ANKRD26: variants seen among roughly 807,000 people sequenced by gnomAD.
ANKRD26 encodes the protein ankyrin repeat domain-containing protein 26.
Under a neutral mutation model 208.7 loss-of-function variants are expected in ANKRD26, and 141 were observed. The observed-to-expected ratio is 0.68, with a 90% confidence interval of 0.59 to 0.78. The LOEUF (loss-of-function observed/expected upper bound fraction) is 0.78, where lower values mean the gene tolerates loss of function less well. Ranked by LOEUF, ANKRD26 falls within the 30% of genes least tolerant of loss-of-function variation. The pLI is 0.00. For synonymous variants in ANKRD26, 636 were observed against 660.4 expected, an observed-to-expected ratio of 0.96 and a Z score of 0.57; for missense variants, 1,889 against 1,938.7, an observed-to-expected ratio of 0.97 and a Z score of 0.48.
downstream of ANKRD26, among the ~76,000 whole-genome samples, chr10:26,972,229 C>T (rs1354723896): frequency 7.1e-6 from 1 of 141,494 alleles, no homozygotes; most frequent in African/African-American, 2.7e-5. Context: ...AGCGAGACTC[C>T]GTCTCAAAAA....
chr10:26,982,831 A>T (rs1481491083), intron 3 of ANKRD26, among the ~76,000 whole-genome samples: 2 of 152,168 alleles, frequency 1.3e-5, no homozygotes, highest in Non-Finnish European at 2.9e-5. Flanking sequence ...AAAAAACAGG[A>T]CAGAACACAA....
intron 33 of ANKRD26, 118 bp from the exon 34 acceptor site, chr10:27,005,841 T>C (rs2052856084): frequency 7.9e-7 from 1 of 1,258,622 alleles, no homozygotes; most frequent in South Asian, 1.7e-5. Context: ...AAAATATGTA[T>C]GCACAACTAT....
rs371498820 is a variant in ANKRD26, at chr10:27,017,641, T to C, written c.4367A>G (p.Gln1456Arg). ...ATGACTTCTCAGGTTGATCACTTCT[T>C]GTTCCAACTTCTTTTTATTCTTCTG... is the stretch of plus-strand genomic sequence containing the variant. ...KLQKNKKKLE[Q>R]EVINLRSHIE... The change falls in exon 30 of 34, where the codon CAA becomes CGA. Residue 1456 changes from glutamine (Q) to arginine (R), a missense_variant. This residue lies in a region of ANKRD26 where 613 missense variants were observed against 648.2 expected (regional missense o/e 0.95). Coordinates refer to ENST00000376087, the MANE Select transcript of ANKRD26 (RefSeq NM_014915.3). The C allele has an allele frequency of 2.5e-6, 4 of 1,613,574 alleles. No individual in the cohort carries two copies. Among genetic ancestry groups the C allele is most frequent in the African/African-American group, 2.7e-5 (2 of 74,932 alleles).
intron 29 of ANKRD26, among the ~76,000 whole-genome samples, chr10:27,019,338 C>G (rs2053411570): frequency 6.6e-6 from 1 of 151,892 alleles, no homozygotes; most frequent in African/African-American, 2.4e-5. Flanking sequence ...AACTGAAAAG[C>G]TTCTGCACAG....
chr10:27,029,610 C>T (rs1398230582), intron 25 of ANKRD26, among the ~76,000 whole-genome samples: 1 of 152,178 alleles, frequency 6.6e-6, no homozygotes, highest in Non-Finnish European at 1.5e-5. Flanking sequence ...AGAACTAAAA[C>T]ATATTACTCT....
At chr10:26,971,588 A>T (rs1462829191), downstream of ANKRD26, among the ~76,000 whole-genome samples, 2 of 151,172 alleles carry the variant, frequency 1.3e-5, no homozygotes, top group African/African-American at 4.9e-5. Context: ...AGGCAGGAGA[A>T]TCGCTTGAAC....
Position 27,028,944 on chromosome 10 carries a change from G to T in ANKRD26, c.3880C>A (p.Leu1294Ile). ...AEKMQDHKQK[L>I]EKDNAKLKVT... ...TTTAACTTGGCATTATCTTTTTCAA[G>T]CCTGAAATGTATATTTTAAAATAAT... Residue 1294 changes from leucine (L) to isoleucine (I), a missense_variant and splice_region_variant, in exon 27 of 34, where the codon CTT becomes ATT. Leu to Ile is a conservative substitution (Grantham distance 5, BLOSUM62 2). Around this residue, in one of 3 missense-constraint regions of ANKRD26, gnomAD observed 613 missense variants for 648.2 expected, o/e 0.95. Coordinates refer to ENST00000376087, the MANE Select transcript of ANKRD26 (RefSeq NM_014915.3). 1 of 1,602,508 alleles carries T rather than the reference G, an allele frequency of 6.2e-7. No individual in the cohort carries two copies. Among genetic ancestry groups the T allele is most frequent in the Non-Finnish European group, 8.5e-7 (1 of 1,171,300 alleles).
chr10:26,952,763 T>C, the ANKRD26 span, among the ~76,000 whole-genome samples: 3 of 152,196 alleles, frequency 2.0e-5, no homozygotes, highest in African/African-American at 2.4e-5. Context: ...AACCTACCAA[T>C]TGGACATACG....
At chr10:26,962,194 C>T in the ANKRD26 span, among the ~76,000 whole-genome samples, 1 of 152,220 alleles carries the variant, frequency 6.6e-6, no homozygotes, top group African/African-American at 2.4e-5. Flanking sequence ...CTTTGGGAGG[C>T]TGAGACGGGA....
At chr10:27,049,345 A>C (rs2054568979) in intron 16 of ANKRD26, among the ~76,000 whole-genome samples, 1 of 152,204 alleles carries the variant, frequency 6.6e-6, no homozygotes, top group African/African-American at 2.4e-5. Context: ...AGACAAAGAC[A>C]CAAGATGCAT....
At chr10:27,043,627 G>A in intron 19 of ANKRD26, 60 bp from the exon 20 acceptor site, 1 of 1,517,188 alleles carries the variant, frequency 6.6e-7, no homozygotes, top group Non-Finnish European at 9.1e-7. Flanking sequence ...ACATACAGAA[G>A]TGGTAATTAT....
At chr10:27,072,577 C>T (rs1032536328) in intron 9 of ANKRD26, among the ~76,000 whole-genome samples, 2 of 152,160 alleles carry the variant, frequency 1.3e-5, no homozygotes, top group Non-Finnish European at 2.9e-5. Flanking sequence ...CAGAGTATTT[C>T]CCTTGGGTAA....
chr10:27,005,782 T>C (rs1037694695), intron 33 of ANKRD26, 59 bp from the exon 34 acceptor site: 19 of 1,557,468 alleles, frequency 1.2e-5, no homozygotes, highest in Non-Finnish European at 1.4e-5. Flanking sequence ...GTTAACTAAG[T>C]GGAAGTCAGT....
At chr10:26,972,308 C>A (rs564501356), downstream of ANKRD26, among the ~76,000 whole-genome samples, 1 of 150,012 alleles carries the variant, frequency 6.7e-6, no homozygotes, top group Non-Finnish European at 1.5e-5. Context: ...ACACAGAAAT[C>A]AAAACTTTTC....
Position 27,033,397 on chromosome 10 carries a change from C to T in ANKRD26, c.3655-20G>A, listed in dbSNP as rs768619604. 1.9e-6 allele frequency: 3 copies of T among 1,603,892 alleles called. No homozygotes were observed. The highest frequency in any genetic ancestry group is 2.3e-5 in the South Asian group (2 of 88,840). On this transcript the variant is annotated intron_variant, in intron 24 of 33. Transcript: ENST00000376087. ...AACAACCTGATAAGACATTTTGTTA[C>T]TGATTTTATAAATCACCTTATTATT...
chr10:27,057,705 A>G (rs1380760386), intron 15 of ANKRD26, among the ~76,000 whole-genome samples: 2 of 152,184 alleles, frequency 1.3e-5, no homozygotes, highest in African/African-American at 4.8e-5. Flanking sequence ...TTGGGAGGCC[A>G]AGATGGGTGG....
intron 27 of ANKRD26, 69 bp downstream of exon 27, chr10:27,028,783 T>C: frequency 7.9e-7 from 1 of 1,262,220 alleles, no homozygotes; most frequent in Non-Finnish European, 1.2e-6. Context: ...AAATAAGGGA[T>C]ACTCAACTTG....
intron 3 of ANKRD26, among the ~76,000 whole-genome samples, chr10:26,984,497 G>C (rs1352920859): frequency 6.6e-6 from 1 of 152,134 alleles, no homozygotes; most frequent in Non-Finnish European, 1.5e-5. Context: ...CCTTCCATTG[G>C]GGATTAAGGG....
At chr10:26,991,591 C>T (rs146556157), downstream of ANKRD26, among the ~76,000 whole-genome samples, 709 of 152,212 alleles carry the variant, frequency 4.7e-3, 4 homozygotes, top group African/African-American at 0.016. Context: ...TACAGGCATG[C>T]GCCACCATGC....
Sources: gnomAD v4.1 joint callset for allele counts (sites outside exome capture counted in the v4.1 genomes callset) on GRCh38, gnomAD v4.1.1 for gene constraint, gnomAD v4.1.1 regional missense constraint, MANE v1.5 for transcripts, NCBI Gene and HGNC (gene_info 2026-07-23, HGNC 2026-07-21) for gene names.